The following SGCD variants were observed in gnomAD, a reference collection of about 807,000 sequenced individuals.
The protein encoded by SGCD is delta-sarcoglycan.
A neutral mutation model predicts 36.6 loss-of-function variants in SGCD; 18 were observed. The ratio of observed to expected loss-of-function variants is 0.49; its 90% CI spans 0.34 to 0.73. The LOEUF is 0.73. Ranked by LOEUF, SGCD falls within the 30% of genes least tolerant of loss-of-function variation. The pLI is 0.01. For synonymous variants in SGCD, 133 were observed against 130.6 expected (o/e 1.02, Z -0.12); for missense variants, 387 against 346.7 (o/e 1.12, Z -0.92).
the SGCD span, among the ~76,000 whole-genome samples, chr5:155,861,935 T>C: frequency 1.3e-5 from 2 of 152,158 alleles, no homozygotes; most frequent in African/African-American, 4.8e-5. Context: ...TCCCATCCTA[T>C]TACATTTTAT....
chr5:156,348,506 G>A (rs1045235742), intron 3 of SGCD, among the ~76,000 whole-genome samples: 14 of 151,942 alleles, frequency 9.2e-5, no homozygotes, highest in African/African-American at 3.4e-4. Flanking sequence ...TTTTATAATA[G>A]CTACAAAAAT....
chr5:155,931,737 C>G (rs532383029), intron 1 of SGCD, among the ~76,000 whole-genome samples: 10 of 152,120 alleles, frequency 6.6e-5, no homozygotes, highest in Non-Finnish European at 1.5e-4. Context: ...ATTAGAAAGC[C>G]CGAGTTCGGA....
At chr5:156,732,687 T>G (rs997430615) in intron 7 of SGCD, among the ~76,000 whole-genome samples, 2 of 152,186 alleles carry the variant, frequency 1.3e-5, no homozygotes, top group African/African-American at 4.8e-5. Context: ...TCTTCATACA[T>G]TTGGTAGAAT....
intron 1 of SGCD, among the ~76,000 whole-genome samples, chr5:156,094,902 G>GAGGC (rs1761338932): frequency 6.6e-6 from 1 of 152,132 alleles, no homozygotes; most frequent in South Asian, 2.1e-4. Flanking sequence ...TCAGGAGGCT[G>GAGGC]AGGCAGGAGA....
rs538362582 is a variant in SGCD, at chr5:156,613,870, G to A, written c.502+18819G>A. Among the ~76,000 whole-genome samples, 11 of 152,304 alleles carry A rather than the reference G, an allele frequency of 7.2e-5. No homozygotes were observed. The East Asian group carries it at 2.1e-3, about 29-fold the overall frequency. ...TATGTTGAGTGCTTACTCTCTGTAA[G>A]GGGCTGAACTAATCACTTGCCCTGA... On this transcript the variant is annotated intron_variant, in intron 6 of 8. Transcript: ENST00000337851.
the SGCD span, among the ~76,000 whole-genome samples, chr5:155,729,652 G>T: frequency 2.0e-5 from 3 of 152,200 alleles, no homozygotes; most frequent in African/African-American, 7.2e-5. Context: ...GCTAGGCGCG[G>T]GGGAGGGGAA....
At chr5:156,344,410 G>A (rs1368777445) in intron 2 of SGCD, 79 bp from the exon 3 acceptor site, 5 of 962,572 alleles carry the variant, frequency 5.2e-6, no homozygotes, top group Non-Finnish European at 7.6e-6. Flanking sequence ...TTCATCAGTT[G>A]ATTTTTTTTT....
chr5:156,455,938 A>G (rs1335128125), intron 3 of SGCD, among the ~76,000 whole-genome samples: 1 of 152,182 alleles, frequency 6.6e-6, no homozygotes, highest in African/African-American at 2.4e-5. Context: ...ATAGGCCGGG[A>G]ATGCCAAGGA....
chr5:155,949,478 T>C (rs1757508556), intron 1 of SGCD, among the ~76,000 whole-genome samples: 1 of 152,154 alleles, frequency 6.6e-6, no homozygotes, highest in Non-Finnish European at 1.5e-5. Flanking sequence ...GACAACGAGG[T>C]TTCGTGAGAT....
At chr5:156,398,398 A>G (rs923916044) in intron 3 of SGCD, among the ~76,000 whole-genome samples, 6 of 152,224 alleles carry the variant, frequency 3.9e-5, no homozygotes, top group African/African-American at 1.4e-4. Flanking sequence ...TCTGATGGAC[A>G]ATTGAATGAA....
At chr5:156,041,211 G>A (rs1759625553) in intron 1 of SGCD, among the ~76,000 whole-genome samples, 1 of 152,200 alleles carries the variant, frequency 6.6e-6, no homozygotes, top group Non-Finnish European at 1.5e-5. Flanking sequence ...GATAAGCTGA[G>A]CTAATAAAGA....
In SGCD at chr5:156,497,342, C is replaced by T. The variant is rs115668191; in HGVS notation, c.193-11259C>T. ...AGTAGTAAAGAAAATTATACTTATT[C>T]CCTCTCTGTGTTGAGGCATGGGTAA... On this transcript the variant is annotated intron_variant, in intron 3 of 8. Transcript: ENST00000337851. 8.6e-3 allele frequency among the ~76,000 whole-genome samples: 1,303 copies of T among 152,130 alleles called. 10 individuals are homozygous for T. Among genetic ancestry groups the T allele is most frequent in the African/African-American group, 0.029 (1,212 of 41,502 alleles).
At chr5:155,904,317 T>C (rs1756453295) in intron 1 of SGCD, among the ~76,000 whole-genome samples, 1 of 152,224 alleles carries the variant, frequency 6.6e-6, no homozygotes, top group Admixed American at 6.5e-5. Context: ...CGTAATAGGC[T>C]TCTTTGCAGA....
Position 156,344,463 on chromosome 5 carries a change from C to T in SGCD, c.4-26C>T, listed in dbSNP as rs775809731. The T allele has an allele frequency of 4.7e-6, 7 of 1,494,220 alleles. No homozygotes were observed. In the East Asian group the frequency reaches 1.5e-4, roughly 33 times the overall value. The allele number at this position is 1,494,220 out of a possible 1,614,324, so 92.6% of individuals were successfully genotyped here. ...TTCTCTCAGCGGTTTAATGTGAGTG[C>T]TTCTCTCTTGCCTCGTTTATTTCAG... On this transcript the variant is annotated intron_variant, in intron 2 of 8. Coordinates refer to ENST00000337851, the MANE Select transcript of SGCD (RefSeq NM_000337.6).
intron 1 of SGCD, among the ~76,000 whole-genome samples, chr5:155,895,485 C>T (rs745451725): frequency 2.0e-5 from 3 of 152,066 alleles, no homozygotes; most frequent in Non-Finnish European, 2.9e-5. Context: ...TTGAGCTTGG[C>T]GATCCACAGC....
intron 4 of SGCD, among the ~76,000 whole-genome samples, chr5:156,566,375 A>C (rs1247239824): frequency 6.6e-6 from 1 of 152,208 alleles, no homozygotes; most frequent in Non-Finnish European, 1.5e-5. Flanking sequence ...TATTGCAATA[A>C]GATCACACCA....
chr5:156,590,902 T>G (rs1270705984), intron 5 of SGCD, among the ~76,000 whole-genome samples: 2 of 151,722 alleles, frequency 1.3e-5, no homozygotes, highest in East Asian at 3.9e-4. Flanking sequence ...CTTCTTCCTC[T>G]CTTCCCTTGT....
At chr5:156,595,839 A>T (rs1300250067) in intron 6 of SGCD, among the ~76,000 whole-genome samples, 1 of 152,254 alleles carries the variant, frequency 6.6e-6, no homozygotes, top group Non-Finnish European at 1.5e-5. Flanking sequence ...AGAATTCGTT[A>T]TTAAAAATAT....
At chr5:156,269,485 A>C (rs1310732625) in intron 3 of SGCD, among the ~76,000 whole-genome samples, 7 of 140,692 alleles carry the variant, frequency 5.0e-5, no homozygotes, top group African/African-American at 1.1e-4. Flanking sequence ...AAAAAAAAAA[A>C]AAAAAAAAAA....
Sources: allele counts gnomAD v4.1 joint callset (sites outside exome capture counted in the v4.1 genomes callset), GRCh38; gene constraint gnomAD v4.1.1; transcripts MANE v1.5; gene names NCBI Gene and HGNC (gene_info 2026-07-23, HGNC 2026-07-21).